HHAT: variants seen among roughly 807,000 people sequenced by gnomAD.
HHAT encodes hedgehog acyltransferase, also known as protein-cysteine N-palmitoyltransferase HHAT.
In HHAT, 47 loss-of-function variants were observed where a neutral mutation model predicts 70.8. The ratio of observed to expected loss-of-function variants is 0.66; its 90% CI spans 0.53 to 0.85. HHAT has a LOEUF of 0.85. HHAT is among the 40% of genes least tolerant of loss of function. HHAT has a pLI of 0.00. For synonymous variants in HHAT, 228 were observed against 247.6 expected (o/e 0.92, Z 0.74); for missense variants, 609 against 604.8 (o/e 1.01, Z -0.07).
Position 210,528,623 on chromosome 1 carries a change from G to A in HHAT, c.1043+15435G>A, listed in dbSNP as rs976455084. Among the ~76,000 whole-genome samples the A allele has an allele frequency of 2.6e-5, 4 of 152,198 alleles. No individual in the cohort carries two copies. In the East Asian group the frequency reaches 5.8e-4, roughly 22 times the overall value. On this transcript the variant is annotated intron_variant, in intron 9 of 11. Coordinates refer to ENST00000261458, the MANE Select transcript of HHAT (RefSeq NM_018194.6). ...CTTTCACTAGCAAATGCATAGTATA[G>A]CCTATTAATTAATATGCTAAAGTGG...
At chr1:210,555,250 C>T (rs1440232235) in intron 9 of HHAT, among the ~76,000 whole-genome samples, 1 of 152,218 alleles carries the variant, frequency 6.6e-6, no homozygotes, top group Admixed American at 6.5e-5. Flanking sequence ...GAGAAGACCC[C>T]TCTGCTGCCC....
intron 10 of HHAT, among the ~76,000 whole-genome samples, chr1:210,597,457 ATCCAGGAGCCAGG>A (rs1459826656): frequency 1.2e-5 from 1 of 84,234 alleles, no homozygotes; most frequent in East Asian, 1.6e-3. Context: ...CTAAGATGCC[ATCCAGGAGCCAGG>A]TCCTGGAGTC....
intron 1 of HHAT, among the ~76,000 whole-genome samples, chr1:210,340,211 G>A (rs983393165): frequency 5.8e-5 from 8 of 138,510 alleles, no homozygotes; most frequent in South Asian, 2.4e-4. Context: ...AGCACACTCC[G>A]GCCTGGGGGA....
At position 210,439,502 on chromosome 1, in the gene HHAT, T is replaced by C. The variant is rs1050987803; in HGVS notation, c.856+21177T>C. 17 of 151,822 alleles carry C rather than the reference T, an allele frequency of 1.1e-4. 1 individual carries two copies. Among genetic ancestry groups the C allele is most frequent in the African/African-American group, 4.1e-4 (17 of 41,102 alleles). 9.4% of individuals were successfully genotyped at this position (151,822 alleles called of 1,614,324 possible). A position where few individuals can be genotyped will look rare whatever the true frequency, so the allele number is the denominator to read the frequency against. Reference sequence around the variant, plus strand: ...TGGTAAGTGTGCTCATATTGATCATTCCACCCCATCTATTTAGTCTTCTTC... The same window carrying C: ...TGGTAAGTGTGCTCATATTGATCATCCCACCCCATCTATTTAGTCTTCTTC... On this transcript the variant is annotated intron_variant, in intron 7 of 11. Transcript: ENST00000261458.
chr1:210,450,344 G>T (rs374812571), intron 7 of HHAT, among the ~76,000 whole-genome samples: 1 of 151,846 alleles, frequency 6.6e-6, no homozygotes, highest in South Asian at 2.1e-4. Context: ...TATTGGGAAG[G>T]GTGCCAACTG....
At chr1:210,483,492 G>A (rs2094429596) in intron 8 of HHAT, among the ~76,000 whole-genome samples, 1 of 152,164 alleles carries the variant, frequency 6.6e-6, no homozygotes, top group Admixed American at 6.6e-5. Context: ...TCATTGGAAG[G>A]CAGGGGAGAG....
chr1:210,478,270 C>T (rs772149949), intron 8 of HHAT, among the ~76,000 whole-genome samples: 13 of 152,074 alleles, frequency 8.5e-5, no homozygotes, highest in East Asian at 1.9e-4. Context: ...TTTAATTTTC[C>T]GAAAGTTTTT....
chr1:210,576,311 T>A (rs528006916), intron 9 of HHAT, among the ~76,000 whole-genome samples: 2 of 152,064 alleles, frequency 1.3e-5, no homozygotes, highest in African/African-American at 4.8e-5. Context: ...ACACAAAAAC[T>A]GCACATATTA....
chr1:210,413,557 A>G (rs532433114), intron 6 of HHAT, among the ~76,000 whole-genome samples: 1 of 152,352 alleles, frequency 6.6e-6, no homozygotes, highest in African/African-American at 2.4e-5. Context: ...TGCACCTTCA[A>G]CACTTTGCTT....
At chr1:210,532,062 T>C (rs1457908562) in intron 9 of HHAT, among the ~76,000 whole-genome samples, 1 of 152,214 alleles carries the variant, frequency 6.6e-6, no homozygotes, top group Non-Finnish European at 1.5e-5. Context: ...AAAAACACTT[T>C]AGAAGCTGAA....
In HHAT at chr1:210,637,871, A is replaced by AAGG. The variant is rs1553312396; in HGVS notation, c.1390+14201_1390+14202insAGG. Among the ~76,000 whole-genome samples the AAGG allele has an allele frequency of 2.7e-3, 319 of 117,492 alleles. 4 individuals carry two copies. The highest frequency in any genetic ancestry group is 9.8e-3 in the African/African-American group (303 of 30,996). 77.1% of individuals were successfully genotyped at this position (117,492 alleles called of 152,430 possible). ...GAGACTCCGTCTCAAAAAAAAAAAA[A>AAGG]GGGGGGGGCAAAGGACCTGAATAGA... On this transcript the variant is annotated intron_variant, in intron 11 of 11. Transcript: ENST00000261458.
intron 9 of HHAT, among the ~76,000 whole-genome samples, chr1:210,532,841 T>C (rs1187947363): frequency 6.6e-6 from 1 of 152,200 alleles, no homozygotes; most frequent in Non-Finnish European, 1.5e-5. Context: ...AAACCTTTGA[T>C]AATTGTAGAA....
chr1:210,414,288 C>G (rs1267444137), intron 6 of HHAT, among the ~76,000 whole-genome samples: 1 of 152,178 alleles, frequency 6.6e-6, no homozygotes, highest in African/African-American at 2.4e-5. Flanking sequence ...TCAAAGGCCC[C>G]ACCTCCTAGT....
In HHAT at chr1:210,486,373, A is replaced by G. The variant is rs186157306; in HGVS notation, c.1007+21718A>G. Among the ~76,000 whole-genome samples the G allele has an allele frequency of 5.6e-4, 86 of 152,290 alleles. No homozygotes were observed. In the Middle Eastern group the frequency reaches 0.01, roughly 18 times the overall value. On this transcript the variant is annotated intron_variant, in intron 8 of 11. Coordinates refer to ENST00000261458, the MANE Select transcript of HHAT (RefSeq NM_018194.6). ...GCTTACCCATAATGAAGCCACTCCA[A>G]TCAGCTTCTCATTTCTTCTTCATTC... is the stretch of plus-strand genomic sequence containing the variant.
At chr1:210,379,909 G>A (rs539063581) in intron 3 of HHAT, among the ~76,000 whole-genome samples, 77 of 152,206 alleles carry the variant, frequency 5.1e-4, no homozygotes, top group African/African-American at 1.8e-3. Flanking sequence ...CGGAGAGTGG[G>A]CCTTGAGTTG....
At chr1:210,458,009 C>G (rs980443519) in intron 7 of HHAT, among the ~76,000 whole-genome samples, 6 of 152,082 alleles carry the variant, frequency 3.9e-5, no homozygotes, top group Non-Finnish European at 7.4e-5. Flanking sequence ...ATGTGTGATA[C>G]AGATAATAGA....
At chr1:210,516,440 A>G (rs2095058305) in intron 9 of HHAT, among the ~76,000 whole-genome samples, 1 of 152,122 alleles carries the variant, frequency 6.6e-6, no homozygotes, top group South Asian at 2.1e-4. Context: ...CCTGATTCCT[A>G]GGGGGAGTGA....
chr1:210,366,938 CCT>C (rs1431693862), intron 3 of HHAT, among the ~76,000 whole-genome samples: 1 of 152,198 alleles, frequency 6.6e-6, no homozygotes, highest in Admixed American at 6.5e-5. Flanking sequence ...CACTTCCCTG[CCT>C]CTCTCTTTAC....
chr1:210,351,919 G>T (rs1244073380), intron 2 of HHAT, among the ~76,000 whole-genome samples: 1 of 152,176 alleles, frequency 6.6e-6, no homozygotes, highest in Admixed American at 6.5e-5. Context: ...CCTTTTTACA[G>T]GTGGAGCAGC....
Sources: gnomAD v4.1 joint callset for allele counts (sites outside exome capture counted in the v4.1 genomes callset) on GRCh38, gnomAD v4.1.1 for gene constraint, MANE v1.5 for transcripts, NCBI Gene and HGNC (gene_info 2026-07-23, HGNC 2026-07-21) for gene names.